Variants in TRPM3 observed in about 807,000 individuals in gnomAD.
TRPM3 encodes the protein transient receptor potential cation channel subfamily M member 3, also known as long transient receptor potential channel 3.
In TRPM3, 77 loss-of-function variants were observed where a neutral mutation model predicts 181.2. That is an observed-to-expected ratio of 0.42 (90% CI 0.35 to 0.51). TRPM3 has a LOEUF of 0.51. Ranked by LOEUF, TRPM3 falls within the 20% of genes least tolerant of loss-of-function variation. The probability of loss-of-function intolerance (pLI) is 0.01; values close to 1 mark genes in which losing one functional copy is unlikely to be tolerated. For missense variants in TRPM3, 1,759 were observed against 2,196.7 expected (o/e 0.80, Z 3.98); for synonymous variants, 745 against 796.4 (o/e 0.94, Z 1.09).
chr9:71,253,644 G>C (rs550541772), intron 1 of TRPM3, among the ~76,000 whole-genome samples: 8 of 151,982 alleles, frequency 5.3e-5, no homozygotes, highest in African/African-American at 1.5e-4. Context: ...TAGTATAGAG[G>C]TTCCTCAAAA....
chr9:71,417,430 A>G (rs770259591), intron 1 of TRPM3, among the ~76,000 whole-genome samples: 10 of 151,934 alleles, frequency 6.6e-5, no homozygotes, highest in Non-Finnish European at 1.5e-4. Context: ...TTGACTAGCT[A>G]CATATCCTTT....
At chr9:70,664,529 T>C (rs1174670489) in intron 9 of TRPM3, among the ~76,000 whole-genome samples, 11 of 152,154 alleles carry the variant, frequency 7.2e-5, no homozygotes. Flanking sequence ...TGTGATTGCT[T>C]TGATGGAACT....
At chr9:71,276,591 C>A (rs2084232149) in intron 1 of TRPM3, among the ~76,000 whole-genome samples, 1 of 151,946 alleles carries the variant, frequency 6.6e-6, no homozygotes, top group African/African-American at 2.4e-5. Flanking sequence ...TCAAAGAAAC[C>A]AATTAAAATC....
intron 9 of TRPM3, among the ~76,000 whole-genome samples, chr9:70,658,807 A>C (rs1194239748): frequency 6.6e-6 from 1 of 151,968 alleles, no homozygotes; most frequent in African/African-American, 2.4e-5. Flanking sequence ...TAGGGAAAAA[A>C]CTTTCAGGAC....
intron 1 of TRPM3, among the ~76,000 whole-genome samples, chr9:70,939,033 A>G (rs1460097723): frequency 6.6e-6 from 1 of 152,210 alleles, no homozygotes; most frequent in Non-Finnish European, 1.5e-5. Flanking sequence ...TTTGCATAAT[A>G]CAATATCCTG....
At chr9:71,354,606 TC>T (rs1459171840) in intron 1 of TRPM3, among the ~76,000 whole-genome samples, 2 of 152,226 alleles carry the variant, frequency 1.3e-5, no homozygotes, top group African/African-American at 4.8e-5. Flanking sequence ...CCTTAATTTT[TC>T]ATCATCAACT....
At chr9:71,235,703 G>C (rs2081317746) in intron 1 of TRPM3, among the ~76,000 whole-genome samples, 1 of 152,166 alleles carries the variant, frequency 6.6e-6, no homozygotes, top group Non-Finnish European at 1.5e-5. Context: ...TTCTTTAGAT[G>C]TGGGACTCTG....
At position 71,420,767 on chromosome 9, in the gene TRPM3, AAG is replaced by A. The variant is rs1191759849; in HGVS notation, c.183+25884_183+25885del. On this transcript the variant is annotated intron_variant, in intron 1 of 24. Transcript: ENST00000357533. ...AGAGAAAGAGAGAGAAAGAGAGAGAAAGAGAGAGAAAGAGAGAGAAAGAGAGA... is the reference window on the plus strand; with the variant it reads ...AGAGAAAGAGAGAGAAAGAGAGAGAAAGAGAGAAAGAGAGAGAAAGAGAGA... Among the ~76,000 whole-genome samples the A allele has an allele frequency of 4.8e-4, 32 of 66,494 alleles. 1 individual carries two copies. The highest frequency in any genetic ancestry group is 1.5e-3 in the African/African-American group (25 of 16,742). 43.6% of individuals were successfully genotyped at this position (66,494 alleles called of 152,430 possible).
At chr9:71,110,644 C>G (rs2070868600) in intron 1 of TRPM3, among the ~76,000 whole-genome samples, 1 of 152,156 alleles carries the variant, frequency 6.6e-6, no homozygotes, top group African/African-American at 2.4e-5. Context: ...TAACCTTATT[C>G]TCTCATTTTA....
At chr9:71,420,891 A>AGAGGGAGAGAAG (rs1180388823) in intron 1 of TRPM3, among the ~76,000 whole-genome samples, 1 of 32,056 alleles carries the variant, frequency 3.1e-5, no homozygotes, top group Non-Finnish European at 6.9e-5. Context: ...GGGAGAGAAA[A>AGAGGGAGAGAAG]AGGGAGAGAA....
At chr9:70,663,229 G>C (rs1315254799) in intron 9 of TRPM3, among the ~76,000 whole-genome samples, 1 of 152,128 alleles carries the variant, frequency 6.6e-6, no homozygotes, top group Non-Finnish European at 1.5e-5. Flanking sequence ...GTATGTTGGG[G>C]ATTCAGAGAG....
chr9:70,645,503 C>T (rs2058694923), intron 9 of TRPM3, among the ~76,000 whole-genome samples: 1 of 152,104 alleles, frequency 6.6e-6, no homozygotes, highest in African/African-American at 2.4e-5. Context: ...ACTGGCTAGC[C>T]ATATGCAGAA....
At chr9:71,127,292 A>AAAACACACACACACACACACACACAC in intron 1 of TRPM3, among the ~76,000 whole-genome samples, 1 of 143,754 alleles carries the variant, frequency 7.0e-6, no homozygotes, top group Non-Finnish European at 1.5e-5. Flanking sequence ...AGCTGACCAA[A>AAAACACACACACACACACACACACAC]ACACACACAC....
chr9:71,413,571 G>A (rs1052873699), intron 1 of TRPM3, among the ~76,000 whole-genome samples: 38 of 152,180 alleles, frequency 2.5e-4, no homozygotes, highest in African/African-American at 9.1e-4. Context: ...ACTATGGTCT[G>A]AATGTGTCCC....
intron 1 of TRPM3, among the ~76,000 whole-genome samples, chr9:70,941,247 CAGG>C (rs2096883136): frequency 6.6e-6 from 1 of 152,190 alleles, no homozygotes; most frequent in Non-Finnish European, 1.5e-5. Flanking sequence ...ATAAAGCAGG[CAGG>C]AGAAGACGGA....
At chr9:70,627,729 G>A (rs1300882655) in intron 12 of TRPM3, among the ~76,000 whole-genome samples, 2 of 152,130 alleles carry the variant, frequency 1.3e-5, no homozygotes, top group Non-Finnish European at 2.9e-5. Flanking sequence ...CATCATATAT[G>A]AGGTGGAACA....
chr9:71,106,093 T>C (rs1306191947), intron 1 of TRPM3, among the ~76,000 whole-genome samples: 2 of 152,164 alleles, frequency 1.3e-5, no homozygotes, highest in African/African-American at 4.8e-5. Context: ...TTTTACAGGA[T>C]GGTGGAGGAT....
intron 8 of TRPM3, among the ~76,000 whole-genome samples, chr9:70,685,227 C>A (rs910615392): frequency 6.6e-6 from 1 of 152,054 alleles, no homozygotes; most frequent in African/African-American, 2.4e-5. Context: ...TATCAAATCC[C>A]AAAATTTCAA....
rs1199295078 is a variant in TRPM3, at chr9:70,780,325, C to A, written c.1148+3780G>T. Among the ~76,000 whole-genome samples, 3 of 152,166 alleles carry A rather than the reference C, an allele frequency of 2.0e-5. No homozygotes were observed. In the East Asian group the frequency reaches 5.8e-4, roughly 29 times the overall value. ...AGTAATTGAAAAGATACTGATGCAG[C>A]CCTGAAGTAAAGGTTTCATAAACAG... On this transcript the variant is annotated intron_variant, in intron 7 of 25. Transcript: ENST00000677713.
Sources: gnomAD v4.1 joint callset for allele counts (sites outside exome capture counted in the v4.1 genomes callset) on GRCh38, gnomAD v4.1.1 for gene constraint, MANE v1.5 for transcripts, NCBI Gene and HGNC (gene_info 2026-07-23, HGNC 2026-07-21) for gene names.